ZFPM2: variants seen among roughly 807,000 people sequenced by gnomAD.
ZFPM2 encodes the protein zinc finger protein ZFPM2.
A neutral mutation model predicts 98.6 loss-of-function variants in ZFPM2; 20 were observed. The observed-to-expected ratio is 0.20, with a 90% CI of 0.14 to 0.29. ZFPM2 has a LOEUF of 0.29. Ranked by LOEUF, ZFPM2 falls within the 10% of genes least tolerant of loss-of-function variation. ZFPM2 has a pLI of 1.00. For missense variants in ZFPM2, 1,310 were observed against 1,388.6 expected, an observed-to-expected ratio of 0.94 and a Z score of 0.90; for synonymous variants, 518 against 502.7, an observed-to-expected ratio of 1.03 and a Z score of -0.41.
chr8:105,365,749 C>T (rs1297892501), intron 1 of ZFPM2, among the ~76,000 whole-genome samples: 3 of 152,148 alleles, frequency 2.0e-5, no homozygotes, highest in East Asian at 1.9e-4. Context: ...GACAGACTGA[C>T]GTGCTCAGCC....
intron 4 of ZFPM2, among the ~76,000 whole-genome samples, chr8:105,628,122 A>G (rs1349163925): frequency 6.6e-6 from 1 of 152,188 alleles, no homozygotes; most frequent in Non-Finnish European, 1.5e-5. Context: ...AGCCTCTGAA[A>G]TAAAAATTAG....
At chr8:105,405,729 G>A (rs556695130) in intron 1 of ZFPM2, among the ~76,000 whole-genome samples, 243 of 152,006 alleles carry the variant, frequency 1.6e-3, no homozygotes, top group African/African-American at 5.5e-3. Context: ...GTATAGTGCC[G>A]CAATAAACAT....
At chr8:105,478,512 A>G (rs1045616489) in intron 3 of ZFPM2, among the ~76,000 whole-genome samples, 2 of 152,110 alleles carry the variant, frequency 1.3e-5, no homozygotes, top group Admixed American at 6.5e-5. Context: ...TACATCTCCT[A>G]ATGGTCCTGA....
chr8:105,400,539 T>G (rs1234898352), intron 1 of ZFPM2, among the ~76,000 whole-genome samples: 1 of 152,218 alleles, frequency 6.6e-6, no homozygotes, highest in African/African-American at 2.4e-5. Context: ...AATTGATTTT[T>G]TCTAACTTTA....
intron 3 of ZFPM2, among the ~76,000 whole-genome samples, chr8:105,450,775 G>T (rs1323703484): frequency 6.6e-6 from 1 of 151,900 alleles, no homozygotes; most frequent in South Asian, 2.1e-4. Context: ...GTCAAAAACT[G>T]GTACAGACTT....
intron 1 of ZFPM2, among the ~76,000 whole-genome samples, chr8:105,340,480 A>T (rs1812409078): frequency 6.6e-6 from 1 of 151,970 alleles, no homozygotes; most frequent in Non-Finnish European, 1.5e-5. Context: ...AAGAAGATAA[A>T]TCTGAAATAC....
intron 3 of ZFPM2, among the ~76,000 whole-genome samples, chr8:105,538,220 C>T (rs1485319299): frequency 6.6e-6 from 1 of 152,036 alleles, no homozygotes. Context: ...TTCCTTAAGC[C>T]TTTGCTTCTT....
intron 3 of ZFPM2, among the ~76,000 whole-genome samples, chr8:105,531,623 T>A (rs1489638380): frequency 2.6e-5 from 4 of 152,192 alleles, no homozygotes; most frequent in Admixed American, 6.5e-5. Flanking sequence ...AACATATCTT[T>A]TGGCAGTGGT....
chr8:105,666,443 A>C (rs1439893344), intron 5 of ZFPM2, among the ~76,000 whole-genome samples: 1 of 152,178 alleles, frequency 6.6e-6, no homozygotes, highest in East Asian at 1.9e-4. Flanking sequence ...ATTTTGATAG[A>C]TGTTCAATTC....
chr8:105,458,884 G>A (rs1812651242), intron 3 of ZFPM2, among the ~76,000 whole-genome samples: 1 of 151,752 alleles, frequency 6.6e-6, no homozygotes, highest in South Asian at 2.1e-4. Context: ...GTTGAATAAG[G>A]GGGACATCTG....
Position 105,763,056 on chromosome 8 carries a change from C to CTT in ZFPM2, c.533-25660_533-25659dup, listed in dbSNP as rs11453125. ...CATATCAATCATGATGACTTTATTTCTTTCTTTTTTTTTTTTTTTAGTTTC... is the reference window on the plus strand; with the variant it reads ...CATATCAATCATGATGACTTTATTTCTTTTTCTTTTTTTTTTTTTTTAGTTTC... On this transcript the variant is annotated intron_variant, in intron 5 of 7. Transcript: ENST00000407775. Among the ~76,000 whole-genome samples the CTT allele has an allele frequency of 5.8e-4, 82 of 142,002 alleles. 1 individual carries two copies. Among genetic ancestry groups the CTT allele is most frequent in the Admixed American group, 2.0e-3 (28 of 14,172 alleles). 93.2% of individuals were successfully genotyped at this position (142,002 alleles called of 152,430 possible).
chr8:105,790,402 A>C (rs1186666893), intron 6 of ZFPM2, among the ~76,000 whole-genome samples: 1 of 152,100 alleles, frequency 6.6e-6, no homozygotes, highest in Non-Finnish European at 1.5e-5. Flanking sequence ...ATAGTTGTAG[A>C]TATGCGGCAT....
intron 1 of ZFPM2, among the ~76,000 whole-genome samples, chr8:105,354,351 T>C (rs1812702127): frequency 1.3e-5 from 2 of 152,350 alleles, no homozygotes; most frequent in Middle Eastern, 6.8e-3. Flanking sequence ...TACAGGATAA[T>C]TAAGTTCCAT....
rs557547493 is a variant in ZFPM2, at chr8:105,429,230, A to G, written c.199+9928A>G. 4.5e-4 allele frequency among the ~76,000 whole-genome samples: 69 copies of G among 152,230 alleles called. 1 individual carries two copies. The South Asian group carries it at 0.014, about 31-fold the overall frequency. ...CTTACGTAAACTGTAATTTTTTTCA[A>G]TGCAAATTATGGCCCAGGCAAGTTA... On this transcript the variant is annotated intron_variant, in intron 2 of 7. Transcript: ENST00000407775.
chr8:105,397,753 C>T (rs1002142747), intron 1 of ZFPM2, among the ~76,000 whole-genome samples: 19 of 152,004 alleles, frequency 1.2e-4, no homozygotes, highest in African/African-American at 3.6e-4. Context: ...TGGTGATATG[C>T]GATATATAAA....
At chr8:105,605,832 G>T (rs1212941955) in intron 4 of ZFPM2, among the ~76,000 whole-genome samples, 1 of 152,022 alleles carries the variant, frequency 6.6e-6, no homozygotes. Flanking sequence ...ACTCACTTCA[G>T]TACTTTCTGG....
intron 5 of ZFPM2, among the ~76,000 whole-genome samples, chr8:105,679,319 T>TC (rs1810548137): frequency 6.6e-6 from 1 of 152,184 alleles, no homozygotes; most frequent in Non-Finnish European, 1.5e-5. Context: ...CCATTTAGAC[T>TC]GTGGTCTTTG....
chr8:105,645,401 A>C (rs1173769775), intron 5 of ZFPM2, among the ~76,000 whole-genome samples: 1 of 152,178 alleles, frequency 6.6e-6, no homozygotes, highest in East Asian at 1.9e-4. Context: ...TGAAGATAGA[A>C]ACTGGAGGAC....
At chr8:105,529,533 T>G (rs1441917392) in intron 3 of ZFPM2, among the ~76,000 whole-genome samples, 1 of 151,904 alleles carries the variant, frequency 6.6e-6, no homozygotes, top group African/African-American at 2.4e-5. Context: ...CAGACATAAA[T>G]TCATGGTTGG....
Sources: gnomAD v4.1 joint callset for allele counts (sites outside exome capture counted in the v4.1 genomes callset) on GRCh38, gnomAD v4.1.1 for gene constraint, MANE v1.5 for transcripts, NCBI Gene and HGNC (gene_info 2026-07-23, HGNC 2026-07-21) for gene names.